The following CACNG2 variants were observed in gnomAD, a reference collection of about 807,000 sequenced individuals.
The protein encoded by CACNG2 is calcium voltage-gated channel auxiliary subunit gamma 2.
A neutral mutation model predicts 25.9 loss-of-function variants in CACNG2; 3 were observed. The ratio of observed to expected loss-of-function variants is 0.12; its 90% CI spans 0.05 to 0.30. CACNG2 has a LOEUF of 0.30. Ranked by LOEUF, CACNG2 falls within the 10% of genes least tolerant of loss-of-function variation. CACNG2 has a pLI of 1.00. For missense variants in CACNG2, 341 were observed against 432.5 expected (o/e 0.79, Z 1.88); for synonymous variants, 167 against 173.3 (o/e 0.96, Z 0.29).
intron 1 of CACNG2, among the ~76,000 whole-genome samples, chr22:36,604,318 T>C (rs1935799730): frequency 6.6e-6 from 1 of 152,228 alleles, no homozygotes; most frequent in East Asian, 1.9e-4. Context: ...TTTCCTGAGA[T>C]GGAATCTGTT....
chr22:36,660,102 C>T (rs1189122606), intron 1 of CACNG2, among the ~76,000 whole-genome samples: 2 of 152,252 alleles, frequency 1.3e-5, no homozygotes, highest in Admixed American at 6.5e-5. Context: ...CTGGCACAGA[C>T]CTGTCCCACC....
intron 1 of CACNG2, among the ~76,000 whole-genome samples, chr22:36,591,500 T>C (rs374591525): frequency 2.0e-5 from 3 of 151,706 alleles, no homozygotes; most frequent in East Asian, 3.9e-4. Context: ...CAAGACCCTA[T>C]ATCTACAAAA....
At chr22:36,607,872 C>G (rs757915771) in intron 1 of CACNG2, among the ~76,000 whole-genome samples, 7 of 152,226 alleles carry the variant, frequency 4.6e-5, no homozygotes, top group Non-Finnish European at 8.8e-5. Context: ...AAGCTCTCCT[C>G]TCTTCTCCAC....
chr22:36,675,143 C>T (rs1287870426), intron 1 of CACNG2, among the ~76,000 whole-genome samples: 3 of 152,132 alleles, frequency 2.0e-5, no homozygotes, highest in Non-Finnish European at 4.4e-5. Flanking sequence ...CTCAGGTGAT[C>T]CTCCTGCCTC....
intron 2 of CACNG2, among the ~76,000 whole-genome samples, chr22:36,571,430 C>G (rs1935221566): frequency 6.6e-6 from 1 of 151,830 alleles, no homozygotes; most frequent in Non-Finnish European, 1.5e-5. Flanking sequence ...GCACTCTAGC[C>G]TGGGTGACGG....
intron 2 of CACNG2, among the ~76,000 whole-genome samples, chr22:36,577,260 C>T (rs918049983): frequency 2.6e-5 from 4 of 152,184 alleles, no homozygotes; most frequent in Non-Finnish European, 4.4e-5. Context: ...TGTCTCTCAC[C>T]GGGCTTTGGG....
intron 1 of CACNG2, among the ~76,000 whole-genome samples, chr22:36,589,190 A>G (rs994683462): frequency 6.6e-6 from 1 of 152,032 alleles, no homozygotes. Context: ...GGGTTTCACC[A>G]TGTTGGCCAG....
At chr22:36,591,667 G>A (rs1935594925) in intron 1 of CACNG2, among the ~76,000 whole-genome samples, 1 of 152,060 alleles carries the variant, frequency 6.6e-6, no homozygotes, top group Non-Finnish European at 1.5e-5. Flanking sequence ...GCAAGACTCT[G>A]TCTTGAAAAT....
At chr22:36,616,602 G>A (rs1407871495) in intron 1 of CACNG2, among the ~76,000 whole-genome samples, 1 of 148,584 alleles carries the variant, frequency 6.7e-6, no homozygotes, top group Admixed American at 6.6e-5. Flanking sequence ...AATCCATCTG[G>A]AATTGATTTT....
intron 1 of CACNG2, among the ~76,000 whole-genome samples, chr22:36,692,658 A>T (rs934816997): frequency 2.0e-5 from 3 of 152,198 alleles, no homozygotes; most frequent in Admixed American, 1.3e-4. Flanking sequence ...CAACTCCCAG[A>T]GGCCAGGCCC....
rs939598989 is a variant in CACNG2 at position 36,677,167 on chromosome 22, G to A, written c.211+25199C>T. 3.9e-5 allele frequency among the ~76,000 whole-genome samples: 6 copies of A among 152,086 alleles called. No individual in the cohort carries two copies. In the East Asian group the frequency reaches 1.2e-3, roughly 29 times the overall value. On this transcript the variant is annotated intron_variant, in intron 1 of 3. Coordinates refer to ENST00000300105, the MANE Select transcript of CACNG2 (RefSeq NM_006078.5). ...GTTTGATTTGAATTGCAGAGGGAAC[G>A]ACTCCCTTTTTGTCCCCCTCTCTCT...
chr22:36,703,554 G>C lies in CACNG2; in HGVS notation c.-978C>G, dbSNP rs1569057770. The C allele has an allele frequency of 7.4e-6, 1 of 134,966 alleles. No homozygotes were observed. The highest frequency in any genetic ancestry group is 1.5e-5 in the Non-Finnish European group (1 of 64,580). The allele number at this position is 134,966 out of a possible 1,614,324, so 8.4% of individuals were successfully genotyped here. A position where few individuals can be genotyped will look rare whatever the true frequency, so the allele number is the denominator to read the frequency against. ...GGTGCTGAACCGGACAGCTCCCTGCGCCGCCCGCTCCGCGCGCTCCCCGGC... is the reference window on the plus strand; with the variant it reads ...GGTGCTGAACCGGACAGCTCCCTGCCCCGCCCGCTCCGCGCGCTCCCCGGC... On this transcript the variant is annotated 5_prime_UTR_variant, in exon 1 of 4. Transcript: ENST00000300105.
chr22:36,620,387 G>T (rs1286289705), intron 1 of CACNG2, among the ~76,000 whole-genome samples: 1 of 152,226 alleles, frequency 6.6e-6, no homozygotes, highest in Non-Finnish European at 1.5e-5. Flanking sequence ...AGTGATGTTT[G>T]CTGTGTAGAG....
chr22:36,654,423 A>C (rs1438119139), intron 1 of CACNG2, among the ~76,000 whole-genome samples: 1 of 151,790 alleles, frequency 6.6e-6, no homozygotes, highest in Middle Eastern at 3.2e-3. Flanking sequence ...GTAGAGACAG[A>C]GTTTCCCTAT....
At chr22:36,603,054 C>T (rs1935778035) in intron 1 of CACNG2, among the ~76,000 whole-genome samples, 1 of 152,208 alleles carries the variant, frequency 6.6e-6, no homozygotes, top group Non-Finnish European at 1.5e-5. Flanking sequence ...AAAGCTAGGC[C>T]TCTTAAGTCA....
rs750195383 is a variant in CACNG2 at position 36,658,188 on chromosome 22, G to GA, written c.211+44177dup. On this transcript the variant is annotated intron_variant, in intron 1 of 3. Coordinates refer to ENST00000300105, the MANE Select transcript of CACNG2 (RefSeq NM_006078.5). Reference sequence around the variant, plus strand: ...AAAGACCTCACAAAGCCACAGGAGTGAAAAAATAATGGCCCATGAACTTGA... The same window carrying GA: ...AAAGACCTCACAAAGCCACAGGAGTGAAAAAAATAATGGCCCATGAACTTGA... Among the ~76,000 whole-genome samples, 11 of 152,116 alleles carry GA rather than the reference G, an allele frequency of 7.2e-5. 1 individual carries two copies. The highest frequency in any genetic ancestry group is 6.2e-4 in the South Asian group (3 of 4,828).
At chr22:36,650,919 T>C (rs1936602203) in intron 1 of CACNG2, among the ~76,000 whole-genome samples, 1 of 152,212 alleles carries the variant, frequency 6.6e-6, no homozygotes. Flanking sequence ...ATATCTGCTA[T>C]TTATTGTTCT....
chr22:36,587,607 C>A (rs1467512024), intron 1 of CACNG2, 59 bp from the exon 2 acceptor site: 11 of 1,170,332 alleles, frequency 9.4e-6, no homozygotes, highest in Non-Finnish European at 1.3e-5. Flanking sequence ...GCGCTTAGGG[C>A]CCACCTGCCT....
chr22:36,697,027 G>C (rs190286173), intron 1 of CACNG2, among the ~76,000 whole-genome samples: 1 of 152,292 alleles, frequency 6.6e-6, no homozygotes, highest in East Asian at 1.9e-4. Flanking sequence ...ATGTAAATTT[G>C]CTATTTTCTG....
Sources: allele counts gnomAD v4.1 joint callset (sites outside exome capture counted in the v4.1 genomes callset), GRCh38; gene constraint gnomAD v4.1.1; transcripts MANE v1.5; gene names NCBI Gene and HGNC (gene_info 2026-07-23, HGNC 2026-07-21).